Variants in KHDRBS2 observed in about 807,000 individuals in gnomAD.
The protein encoded by KHDRBS2 is KH domain-containing, RNA-binding, signal transduction-associated protein 2.
A neutral mutation model predicts 44.3 loss-of-function variants in KHDRBS2; 26 were observed. The ratio of observed to expected loss-of-function variants is 0.59; its 90% CI spans 0.43 to 0.81. The LOEUF (loss-of-function observed/expected upper bound fraction) is 0.81. Among genes scored for constraint, KHDRBS2 ranks in the 40% least tolerant of loss-of-function variants. KHDRBS2 has a pLI of 0.00. For synonymous variants in KHDRBS2, 194 were observed against 151.1 expected (o/e 1.28, Z -2.08); for missense variants, 476 against 433.1 (o/e 1.10, Z -0.88).
At chr6:61,900,804 T>C (rs1016202625) in intron 5 of KHDRBS2, among the ~76,000 whole-genome samples, 9 of 152,320 alleles carry the variant, frequency 5.9e-5, no homozygotes, top group South Asian at 4.1e-4. Flanking sequence ...AAAAAGTTTA[T>C]AGTTTTCTCT....
chr6:61,784,388 C>G (rs1458553983), intron 6 of KHDRBS2, among the ~76,000 whole-genome samples: 1 of 150,794 alleles, frequency 6.6e-6, no homozygotes, highest in African/African-American at 2.4e-5. Flanking sequence ...AAGATGATTT[C>G]AATTATTTTG....
intron 1 of KHDRBS2, among the ~76,000 whole-genome samples, chr6:62,205,930 T>C (rs1469650994): frequency 4.6e-5 from 7 of 152,036 alleles, no homozygotes; most frequent in African/African-American, 1.2e-4. Context: ...CCAAGAAGTA[T>C]GGCAAAAGCA....
At chr6:61,951,637 T>C (rs1764763810) in intron 4 of KHDRBS2, among the ~76,000 whole-genome samples, 1 of 152,036 alleles carries the variant, frequency 6.6e-6, no homozygotes, top group Non-Finnish European at 1.5e-5. Flanking sequence ...ACAGTAAAGG[T>C]ACTTTAACGA....
At chr6:62,233,345 G>A (rs958070566) in intron 1 of KHDRBS2, among the ~76,000 whole-genome samples, 1 of 152,126 alleles carries the variant, frequency 6.6e-6, no homozygotes, top group African/African-American at 2.4e-5. Context: ...ATTAAAAGCT[G>A]TCAATATCAC....
At chr6:61,558,257 T>C in the KHDRBS2 span, among the ~76,000 whole-genome samples, 32,103 of 151,994 alleles carry the variant, frequency 0.21, 3,643 homozygotes, top group East Asian at 0.29. Flanking sequence ...TTGATGTAGG[T>C]GCTTATAGCC....
In KHDRBS2 at chr6:61,945,146, T is replaced by TAC. The variant is rs1306387509; in HGVS notation, c.483+32919_483+32920insGT. Among the ~76,000 whole-genome samples, 20 of 80,552 alleles carry TAC rather than the reference T, an allele frequency of 2.5e-4. 1 individual carries two copies. Among genetic ancestry groups the TAC allele is most frequent in the African/African-American group, 3.6e-4 (8 of 22,132 alleles). 52.8% of individuals were successfully genotyped at this position (80,552 alleles called of 152,430 possible). A position where few individuals can be genotyped will look rare whatever the true frequency, so the allele number is the denominator to read the frequency against. ...ATATATATATATATATATATATATATATATACACACAGACTTGTCTTGATA... is the reference window on the plus strand; with the variant it reads ...ATATATATATATATATATATATATATACATATACACACAGACTTGTCTTGATA... On this transcript the variant is annotated intron_variant, in intron 4 of 8. Transcript: ENST00000281156.
chr6:62,088,852 G>C (rs528213384), intron 2 of KHDRBS2, among the ~76,000 whole-genome samples: 1 of 152,166 alleles, frequency 6.6e-6, no homozygotes, highest in African/African-American at 2.4e-5. Context: ...TCTGTCCCGG[G>C]TAGATGGGAG....
intron 4 of KHDRBS2, among the ~76,000 whole-genome samples, chr6:61,922,992 T>C (rs1160279837): frequency 3.9e-5 from 6 of 152,114 alleles, no homozygotes; most frequent in African/African-American, 1.4e-4. Flanking sequence ...TTGATACAAA[T>C]GTTAAAATTA....
At chr6:61,874,132 A>T (rs1368828121) in intron 6 of KHDRBS2, among the ~76,000 whole-genome samples, 1 of 152,004 alleles carries the variant, frequency 6.6e-6, no homozygotes, top group Non-Finnish European at 1.5e-5. Flanking sequence ...TGATTATGTA[A>T]TTTTTTATAT....
chr6:61,878,140 C>CT (rs1799704039), intron 6 of KHDRBS2, among the ~76,000 whole-genome samples: 1 of 151,852 alleles, frequency 6.6e-6, no homozygotes, highest in Non-Finnish European at 1.5e-5. Context: ...TAGGTCATTA[C>CT]ATAACTTCCA....
At chr6:61,649,941 G>T in the KHDRBS2 span, among the ~76,000 whole-genome samples, 1 of 152,060 alleles carries the variant, frequency 6.6e-6, no homozygotes, top group African/African-American at 2.4e-5. Context: ...TACGTACCTT[G>T]TAACAGTGCC....
intron 4 of KHDRBS2, among the ~76,000 whole-genome samples, chr6:61,955,139 T>C (rs370412020): frequency 6.9e-5 from 10 of 144,986 alleles, no homozygotes; most frequent in African/African-American, 1.3e-4. Context: ...CATATGTATA[T>C]ACACATACGT....
the KHDRBS2 span, among the ~76,000 whole-genome samples, chr6:61,558,621 T>C: frequency 6.6e-6 from 1 of 152,276 alleles, no homozygotes; most frequent in Middle Eastern, 3.4e-3. Context: ...TGTGTTTCTA[T>C]TATTATTTAT....
At chr6:62,279,089 A>G (rs1187085140) in intron 1 of KHDRBS2, among the ~76,000 whole-genome samples, 4 of 151,802 alleles carry the variant, frequency 2.6e-5, no homozygotes, top group Non-Finnish European at 4.4e-5. Flanking sequence ...GCCAGACTCC[A>G]TCTCAAAAAA....
At chr6:61,708,454 C>T (rs1381980709) in intron 7 of KHDRBS2, among the ~76,000 whole-genome samples, 1 of 151,512 alleles carries the variant, frequency 6.6e-6, no homozygotes, top group Admixed American at 6.6e-5. Context: ...CTCTCACAGA[C>T]TAACAAAGCA....
rs60098123 is a variant in KHDRBS2 at position 61,777,384 on chromosome 6, G to A, written c.811-44620C>T. ...AGGGCTTGAATTAAGGAGGAAAACA[G>A]TGCAGTTTGCCATGCTGTGTTGTCA... On this transcript the variant is annotated intron_variant, in intron 6 of 8. Coordinates refer to ENST00000281156, the MANE Select transcript of KHDRBS2 (RefSeq NM_152688.4). Among the ~76,000 whole-genome samples, 468 of 152,208 alleles carry A rather than the reference G, an allele frequency of 3.1e-3. 3 individuals are homozygous for A. The highest frequency in any genetic ancestry group is 0.011 in the African/African-American group (452 of 41,542).
intron 2 of KHDRBS2, among the ~76,000 whole-genome samples, chr6:62,066,443 G>T (rs1413628344): frequency 6.6e-6 from 1 of 151,572 alleles, no homozygotes. Context: ...TAATATTTTA[G>T]AATTTTGACT....
At chr6:61,878,188 C>T (rs16900287) in intron 6 of KHDRBS2, among the ~76,000 whole-genome samples, 10,129 of 151,922 alleles carry the variant, frequency 0.067, 400 homozygotes, top group Middle Eastern at 0.12. Context: ...TGCTCCAGTT[C>T]CTGCTGCCCT....
chr6:61,607,877 T>G, the KHDRBS2 span, among the ~76,000 whole-genome samples: 1 of 151,922 alleles, frequency 6.6e-6, no homozygotes, highest in Non-Finnish European at 1.5e-5. Flanking sequence ...TAGTAGAGAT[T>G]GGGTTTCACC....
Sources: gnomAD v4.1 joint callset for allele counts (sites outside exome capture counted in the v4.1 genomes callset) on GRCh38, gnomAD v4.1.1 for gene constraint, MANE v1.5 for transcripts, NCBI Gene and HGNC (gene_info 2026-07-23, HGNC 2026-07-21) for gene names.